Variants in ARHGEF7 observed in about 807,000 individuals in gnomAD.
ARHGEF7 encodes the protein Rho guanine nucleotide exchange factor 7, also known as PAK-interacting exchange factor beta.
In ARHGEF7, 33 loss-of-function variants were observed where a neutral mutation model predicts 109.8. The observed-to-expected ratio is 0.30, with a 90% confidence interval of 0.23 to 0.40. The LOEUF (loss-of-function observed/expected upper bound fraction) is 0.40. ARHGEF7 is among the 10% of genes least tolerant of loss of function. The pLI is 1.00. For synonymous variants in ARHGEF7, 458 were observed against 424.6 expected (o/e 1.08, Z -0.97); for missense variants, 938 against 1,098.5 (o/e 0.85, Z 2.07).
intron 3 of ARHGEF7, among the ~76,000 whole-genome samples, chr13:111,208,901 G>A (rs997540508): frequency 1.3e-5 from 2 of 152,208 alleles, no homozygotes; most frequent in Non-Finnish European, 2.9e-5. Context: ...CCCCTGCCCA[G>A]CTCTGAGCCA....
chr13:111,228,756 A>G lies in ARHGEF7; in HGVS notation c.671-4449A>G, dbSNP rs369871415. Among the ~76,000 whole-genome samples the G allele has an allele frequency of 2.0e-3, 298 of 152,176 alleles. 4 individuals carry two copies. In the South Asian group the frequency reaches 0.039, roughly 20 times the overall value. On this transcript the variant is annotated intron_variant, in intron 5 of 21. Transcript: ENST00000646102. The surrounding 1 kb of genome is among the most constrained non-coding windows in gnomAD (Gnocchi z 4.6). ...ACAGACATTGACTCTGTGAACTCTGAGTGCGTGAGTAACAGCCAACAAACC... is the reference window on the plus strand; with the variant it reads ...ACAGACATTGACTCTGTGAACTCTGGGTGCGTGAGTAACAGCCAACAAACC...
chr13:111,196,001 C>T (rs1392894167), intron 2 of ARHGEF7, among the ~76,000 whole-genome samples: 1 of 152,188 alleles, frequency 6.6e-6, no homozygotes, highest in Non-Finnish European at 1.5e-5. Context: ...GCTTTTGGAG[C>T]TTTCTCCTGA....
At chr13:111,298,125 G>A (rs2093467307) in intron 19 of ARHGEF7, among the ~76,000 whole-genome samples, 1 of 152,188 alleles carries the variant, frequency 6.6e-6, no homozygotes, top group Non-Finnish European at 1.5e-5. Flanking sequence ...CTCTTTGCAG[G>A]GAAGAGTAAG....
chr13:111,213,797 GACAGTGA>G (rs1667260641), intron 4 of ARHGEF7, among the ~76,000 whole-genome samples: 1 of 152,142 alleles, frequency 6.6e-6, no homozygotes, highest in Non-Finnish European at 1.5e-5. Flanking sequence ...TAACACTACT[GACAGTGA>G]ACGGACCCCT....
At chr13:111,182,085 A>G (rs1384593570) in intron 2 of ARHGEF7, 1 of 152,178 alleles carries the variant, frequency 6.6e-6, no homozygotes, top group Non-Finnish European at 1.5e-5. Flanking sequence ...TTTTATTCAC[A>G]AGAGTGGCCT....
At chr13:111,247,834 A>T (rs540216520) in intron 8 of ARHGEF7, among the ~76,000 whole-genome samples, 90 of 152,264 alleles carry the variant, frequency 5.9e-4, no homozygotes, top group African/African-American at 1.8e-3. Flanking sequence ...TCTGGCTCAC[A>T]TACCTCAAAT....
intron 1 of ARHGEF7, among the ~76,000 whole-genome samples, chr13:111,118,538 G>T (rs1244807369): frequency 6.6e-6 from 1 of 152,174 alleles, no homozygotes; most frequent in Non-Finnish European, 1.5e-5. Context: ...TCCAGGAGGG[G>T]TCAGGATGTT....
chr13:111,207,855 T>G (rs1211799171), intron 3 of ARHGEF7, among the ~76,000 whole-genome samples: 1 of 152,224 alleles, frequency 6.6e-6, no homozygotes, highest in African/African-American at 2.4e-5. Flanking sequence ...CTTGGTATCA[T>G]TGGCTATGTG....
intron 3 of ARHGEF7, among the ~76,000 whole-genome samples, chr13:111,208,175 G>A (rs2082104478): frequency 6.6e-6 from 1 of 152,170 alleles, no homozygotes; most frequent in Non-Finnish European, 1.5e-5. Context: ...CGAGTAGCTG[G>A]GATTACAGAC....
chr13:111,262,552 G>T (rs940780074), intron 8 of ARHGEF7, among the ~76,000 whole-genome samples: 9 of 152,192 alleles, frequency 5.9e-5, no homozygotes, highest in African/African-American at 9.7e-5. Context: ...GGTTCCCCCA[G>T]CACATTGCTC....
chr13:111,299,503 C>T (rs968367199), intron 19 of ARHGEF7, among the ~76,000 whole-genome samples: 4 of 151,964 alleles, frequency 2.6e-5, no homozygotes, highest in Admixed American at 6.6e-5. Context: ...CCACCACGCC[C>T]GGCTAATTTT....
At chr13:111,278,264 G>C (rs939949792) in intron 13 of ARHGEF7, among the ~76,000 whole-genome samples, 1 of 152,142 alleles carries the variant, frequency 6.6e-6, no homozygotes, top group African/African-American at 2.4e-5. Context: ...GTATATGAAG[G>C]AGCTGGTATT....
chr13:111,115,434 A>AGAAGGCGGC lies in ARHGEF7; in HGVS notation c.-92_-91insAAGGCGGCG. On this transcript the variant is annotated 5_prime_UTR_variant, in exon 1 of 22. Transcript: ENST00000646102. Reference sequence around the variant, plus strand: ...GCCGGCGCCGGCCGCTCGATGGGCGAGGCGGCGGCGGCGGCGGCGGGGGCC... The same window carrying AGAAGGCGGC: ...GCCGGCGCCGGCCGCTCGATGGGCGAGAAGGCGGCGGCGGCGGCGGCGGCGGCGGGGGCC... The AGAAGGCGGC allele has an allele frequency of 1.1e-6, 1 of 931,318 alleles. No homozygotes were observed. The highest frequency in any genetic ancestry group is 1.3e-6 in the Non-Finnish European group (1 of 784,460). The allele number at this position is 931,318 out of a possible 1,614,324, so 57.7% of individuals were successfully genotyped here. A position where few individuals can be genotyped will look rare whatever the true frequency, so the allele number is the denominator to read the frequency against.
Position 111,303,102 on chromosome 13 carries a change from AC to A in ARHGEF7, c.2580del (p.Asn861IlefsTer46), listed in dbSNP as rs1567139204. ...CATGAATGATCCTGCCTGGGATGAG[AC>A]CAATCTATAAGGGATGTCCTCAGTT... is the stretch of plus-strand genomic sequence containing the variant. ...KNMNDPAWDE[T>X]NL On this transcript the variant is annotated frameshift_variant, in exon 22 of 22. Coordinates refer to ENST00000646102, the MANE Select transcript of ARHGEF7 (RefSeq NM_001354046.2). LOFTEE classifies it high-confidence loss of function. The A allele has an allele frequency of 6.2e-7, 1 of 1,613,396 alleles. No individual in the cohort carries two copies. The highest frequency in any genetic ancestry group is 8.5e-7 in the Non-Finnish European group (1 of 1,179,612).
intron 5 of ARHGEF7, among the ~76,000 whole-genome samples, chr13:111,225,231 A>C (rs2085035416): frequency 6.6e-6 from 1 of 152,198 alleles, no homozygotes; most frequent in African/African-American, 2.4e-5. Flanking sequence ...TTCCAGTATT[A>C]GAGCTTCTCT....
chr13:111,258,907 T>C lies in ARHGEF7; in HGVS notation c.951-8641T>C, dbSNP rs75963373. 0.014 allele frequency among the ~76,000 whole-genome samples: 2,144 copies of C among 152,280 alleles called. 45 individuals are homozygous for C. Among genetic ancestry groups the C allele is most frequent in the African/African-American group, 0.046 (1,923 of 41,546 alleles). On this transcript the variant is annotated intron_variant, in intron 8 of 21. Coordinates refer to ENST00000646102, the MANE Select transcript of ARHGEF7 (RefSeq NM_001354046.2). The surrounding 1 kb of genome is among the most constrained non-coding windows in gnomAD (Gnocchi z 4.4). The stretch of plus-strand genomic sequence containing the variant: ...TCACCACAAACTGACTGAAGAGTCC[T>C]TGGGCCTTGAAGGAACATTAGCAAT...
intron 1 of ARHGEF7, among the ~76,000 whole-genome samples, chr13:111,152,929 A>G (rs1258079159): frequency 2.0e-5 from 3 of 152,202 alleles, no homozygotes; most frequent in Non-Finnish European, 4.4e-5. Context: ...TGGCCCTCAC[A>G]ATTCTACCTT....
intron 2 of ARHGEF7, among the ~76,000 whole-genome samples, chr13:111,172,325 A>G (rs56117913): frequency 3.1e-4 from 47 of 152,292 alleles, no homozygotes; most frequent in African/African-American, 1.1e-3. Flanking sequence ...AGTTCTATAA[A>G]TGGAAGCACT....
chr13:111,120,604 C>G (rs1208932653), intron 1 of ARHGEF7, among the ~76,000 whole-genome samples: 1 of 152,198 alleles, frequency 6.6e-6, no homozygotes, highest in African/African-American at 2.4e-5. Context: ...GGGGCAGCTG[C>G]TCTGTGAACT....
Sources: gnomAD v4.1 joint callset for allele counts (sites outside exome capture counted in the v4.1 genomes callset) on GRCh38, gnomAD v4.1.1 for gene constraint, Gnocchi (gnomAD v3.1) non-coding constraint, MANE v1.5 for transcripts, NCBI Gene and HGNC (gene_info 2026-07-23, HGNC 2026-07-21) for gene names.